Variants in SRCAP observed in about 807,000 individuals in gnomAD.
SRCAP encodes chromatin remodeling protein SRCAP.
A neutral mutation model predicts 263.1 loss-of-function variants in SRCAP; 46 were observed. That is an observed-to-expected ratio of 0.17 (90% CI 0.14 to 0.22). SRCAP has a LOEUF of 0.22. SRCAP is among the 10% of genes least tolerant of loss of function. The probability of loss-of-function intolerance (pLI) is 1.00; values close to 1 mark genes in which losing one functional copy is unlikely to be tolerated. For synonymous variants in SRCAP, 1,813 were observed against 1,662.1 expected, an observed-to-expected ratio of 1.09 and a Z score of -2.21; for missense variants, 3,695 against 4,181.9, an observed-to-expected ratio of 0.88 and a Z score of 3.21.
chr16:30,724,695 T>C lies in SRCAP; in HGVS notation c.5271T>C (p.Ala1757=). ...SLAPAPPLAP[A]SPVGPAPAHT... ...CTCCAGCACCCCCTCTGGCTCCAGC[T>C]TCTCCAGTGGGCCCAGCCCCAGCTC... The change falls in exon 25 of 34, where the codon GCT becomes GCC. Residue 1757 remains alanine (A), a synonymous_variant. Coordinates refer to ENST00000262518, the MANE Select transcript of SRCAP (RefSeq NM_006662.3). 6.2e-7 allele frequency: 1 copy of C among 1,614,018 alleles called. No homozygotes were observed. The highest frequency in any genetic ancestry group is 8.5e-7 in the Non-Finnish European group (1 of 1,180,006).
At chr16:30,711,798 G>A (rs767555518) in intron 11 of SRCAP, 37 bp from the exon 12 acceptor site, 2 of 1,611,202 alleles carry the variant, frequency 1.2e-6, no homozygotes, top group African/African-American at 2.7e-5. Context: ...TGGAAGAGCA[G>A]GTATGATGAG....
At chr16:30,702,671 A>C (rs972811499) in intron 3 of SRCAP, among the ~76,000 whole-genome samples, 20 of 143,514 alleles carry the variant, frequency 1.4e-4, no homozygotes, top group African/African-American at 5.0e-4. Flanking sequence ...GCAATGGCAC[A>C]ATCTTGGCTT....
Position 30,712,108 on chromosome 16 carries a change from C to T in SRCAP, c.1766C>T (p.Ala589Val). The T allele has an allele frequency of 6.2e-7, 1 of 1,614,162 alleles. No individual in the cohort carries two copies. Among genetic ancestry groups the T allele is most frequent in the South Asian group, 1.1e-5 (1 of 91,088 alleles). Residue 589 changes from alanine to valine, a missense_variant, in exon 12 of 34, where the codon GCA becomes GTA. This residue lies in a region of SRCAP where 121 missense variants were observed against 330.7 expected (regional missense o/e 0.37). Coordinates refer to ENST00000262518, the MANE Select transcript of SRCAP (RefSeq NM_006662.3). ...GPKKEITDIA[A>V]AAESLQPKGY... Reference sequence around the variant, plus strand: ...AAGAAAGAAATTACTGACATTGCTGCAGCAGCTGAAAGTCTCCAGCCCAAG... The same window carrying T: ...AAGAAAGAAATTACTGACATTGCTGTAGCAGCTGAAAGTCTCCAGCCCAAG...
intron 33 of SRCAP, 115 bp downstream of exon 33, chr16:30,736,739 C>T: frequency 9.0e-7 from 1 of 1,112,018 alleles, no homozygotes. Context: ...GTGGCACAAT[C>T]TCGGGTCACT....
Position 30,721,258 on chromosome 16 carries a change from C to T in SRCAP, c.3323C>T (p.Pro1108Leu). The stretch of plus-strand genomic sequence containing the variant: ...CCCACGCCAACCTTGTCCCTAAAGC[C>T]AACACCACCTGCCCCAGTTCGCCTG... Reference protein sequence around the residue: ...RPPTPTLSLKPTPPAPVRLSP... With the variant: ...RPPTPTLSLKLTPPAPVRLSP... Residue 1108 changes from proline to leucine, a missense_variant, in exon 21 of 34, where the codon CCA (proline) becomes CTA (leucine). Pro to Leu is a moderately conservative substitution (Grantham distance 98, BLOSUM62 -3). Coordinates refer to ENST00000262518, the MANE Select transcript of SRCAP (RefSeq NM_006662.3). 3 of 1,614,104 alleles carry T rather than the reference C, an allele frequency of 1.9e-6. No homozygotes were observed. Among genetic ancestry groups the T allele is most frequent in the Non-Finnish European group, 2.5e-6 (3 of 1,180,014 alleles).
At chr16:30,727,618 T>C (rs991254758) in intron 25 of SRCAP, among the ~76,000 whole-genome samples, 3 of 152,172 alleles carry the variant, frequency 2.0e-5, no homozygotes, top group African/African-American at 7.2e-5. Flanking sequence ...AGTGGTGCGA[T>C]CTCAGCTCAC....
chr16:30,700,250 T>C (rs190387479), intron 2 of SRCAP, among the ~76,000 whole-genome samples: 2 of 152,318 alleles, frequency 1.3e-5, no homozygotes, highest in Admixed American at 1.3e-4. Context: ...TCCTATCACT[T>C]TTTTACTGTG....
chr16:30,718,764 C>G (rs1432180619), intron 18 of SRCAP, among the ~76,000 whole-genome samples: 2 of 152,108 alleles, frequency 1.3e-5, no homozygotes, highest in African/African-American at 4.8e-5. Flanking sequence ...AGCCACTGCA[C>G]CTGGCCCCCA....
At chr16:30,701,952 C>CTT (rs1390062542) in intron 3 of SRCAP, among the ~76,000 whole-genome samples, 7 of 139,492 alleles carry the variant, frequency 5.0e-5, no homozygotes, top group South Asian at 4.6e-4. Context: ...TTCTTTCTTT[C>CTT]TTTTTTTTTT....
chr16:30,720,907 T>C lies in SRCAP; in HGVS notation c.3182T>C (p.Ile1061Thr), dbSNP rs146483870. Residue 1061 changes from isoleucine to threonine, a missense_variant, in exon 20 of 34, where the codon ATT (isoleucine) becomes ACT (threonine). By Grantham distance (89) the Ile-to-Thr change is moderately conservative (BLOSUM62 -1). Around this residue, in one of 12 missense-constraint regions of SRCAP, gnomAD observed 1,347 missense variants for 1,304.4 expected, o/e 1.03. Transcript: ENST00000262518. ...GCCTCACCTGCCGGGCCCCCGCTTA[T>C]TCCTGCATCTCGGCCTCCTGGCCCT... ...VSASPAGPPL[I>T]PASRPPGPVL... is the part of the protein sequence containing the mutation. The C allele has an allele frequency of 1.1e-5, 18 of 1,614,014 alleles. No homozygotes were observed. The highest frequency in any genetic ancestry group is 1.5e-5 in the Non-Finnish European group (18 of 1,180,010).
At chr16:30,709,186 G>A (rs1172429173) in intron 6 of SRCAP, among the ~76,000 whole-genome samples, 2 of 151,960 alleles carry the variant, frequency 1.3e-5, no homozygotes, top group South Asian at 2.1e-4. Context: ...TTCCACCTAC[G>A]TGGGAGGGTG....
chr16:30,723,779 C>G lies in SRCAP; in HGVS notation c.4355C>G (p.Ser1452Trp). Residue 1452 changes from serine to tryptophan, a missense_variant, in exon 25 of 34, where the codon TCG becomes TGG. Physicochemically the swap from Ser to Trp is radical, Grantham distance 177. Coordinates refer to ENST00000262518, the MANE Select transcript of SRCAP (RefSeq NM_006662.3). The part of the protein sequence containing the change: ...SVPTTLPAPA[S>W]APLTIPISAP... ...CCCACCACACTTCCTGCCCCAGCCT[C>G]GGCTCCACTCACCATCCCCATCTCA... The G allele has an allele frequency of 1.2e-6, 2 of 1,614,078 alleles. No individual in the cohort carries two copies. The highest frequency in any genetic ancestry group is 1.6e-4 in the Middle Eastern group (1 of 6,062).
At position 30,738,596 on chromosome 16, in the gene SRCAP, C is replaced by T; in HGVS notation, c.8556C>T (p.Thr2852=). ...GAGACGGAGCACTGCTCGCCATCAC[C>T]CCACCTGCTGTGAAACGTCGGAGGG... ...ENGDGALLAI[T]PPAVKRRRGR... Residue 2852 remains threonine (T), a synonymous_variant, in exon 34 of 34, where the codon ACC becomes ACT. Transcript: ENST00000262518. 4 of 1,604,638 alleles carry T rather than the reference C, an allele frequency of 2.5e-6. No individual in the cohort carries two copies. The highest frequency in any genetic ancestry group is 3.4e-6 in the Non-Finnish European group (4 of 1,174,920).
At position 30,724,504 on chromosome 16, in the gene SRCAP, T is replaced by C; in HGVS notation, c.5080T>C (p.Ser1694Pro). The change falls in exon 25 of 34, where the codon TCA (serine) becomes CCA (proline). Residue 1694 changes from serine to proline, a missense_variant. Coordinates refer to ENST00000262518, the MANE Select transcript of SRCAP (RefSeq NM_006662.3). ...APALAPTLGG[S>P]SPSQTLSLGT... ...AGCTTTAGCACCCACTCTTGGAGGC[T>C]CATCTCCATCTCAGACACTCTCTTT... The C allele has an allele frequency of 6.2e-7, 1 of 1,614,088 alleles. No homozygotes were observed. Among genetic ancestry groups the C allele is most frequent in the Non-Finnish European group, 8.5e-7 (1 of 1,179,998 alleles).
chr16:30,737,910 G>A lies in SRCAP; in HGVS notation c.7870G>A (p.Ala2624Thr), dbSNP rs139052774. Residue 2624 changes from alanine (A) to threonine (T), a missense_variant, in exon 34 of 34, where the codon GCA becomes ACA. By Grantham distance (58) the Ala-to-Thr change is moderately conservative (BLOSUM62 0). Coordinates refer to ENST00000262518, the MANE Select transcript of SRCAP (RefSeq NM_006662.3). ...GSIPNGQEQE[A>T]PDSAEGTTLT... ...CATCCCCAATGGTCAAGAGCAGGAG[G>A]CACCAGATTCTGCTGAGGGGACCAC... 22 of 1,614,204 alleles carry A rather than the reference G, an allele frequency of 1.4e-5. No individual in the cohort carries two copies. Among genetic ancestry groups the A allele is most frequent in the African/African-American group, 2.7e-5 (2 of 75,054 alleles).
chr16:30,709,428 T>C, intron 6 of SRCAP, 85 bp from the exon 7 acceptor site: 2 of 1,454,432 alleles, frequency 1.4e-6, no homozygotes, highest in Non-Finnish European at 1.9e-6. Context: ...AGGATCTGGT[T>C]AAAGAAGGTC....
Position 30,734,417 on chromosome 16 carries a change from A to G in SRCAP, c.6610-79A>G, listed in dbSNP as rs922281501. ...AACCAGTGGTACCCCTGACAGTTCC[A>G]AGAACCATCAGCCTTACAGCTTAGA... On this transcript the variant is annotated intron_variant, in intron 30 of 33. Transcript: ENST00000262518. 1.9e-6 allele frequency: 3 copies of G among 1,580,178 alleles called. No individual in the cohort carries two copies. In the Admixed American group the frequency reaches 5.5e-5, roughly 29 times the overall value.
At chr16:30,732,740 C>T (rs2053125241) in intron 27 of SRCAP, among the ~76,000 whole-genome samples, 1 of 152,192 alleles carries the variant, frequency 6.6e-6, no homozygotes, top group Admixed American at 6.5e-5. Context: ...GTTATGTATT[C>T]CCCTACTCTT....
intron 8 of SRCAP, among the ~76,000 whole-genome samples, chr16:30,710,336 C>T (rs1033753142): frequency 6.6e-6 from 1 of 152,156 alleles, no homozygotes; most frequent in Non-Finnish European, 1.5e-5. Context: ...AGTGGAAGAG[C>T]GTATTGCACT....
Sources: gnomAD v4.1 joint callset for allele counts (sites outside exome capture counted in the v4.1 genomes callset) on GRCh38, gnomAD v4.1.1 for gene constraint, gnomAD v4.1.1 regional missense constraint, MANE v1.5 for transcripts, NCBI Gene and HGNC (gene_info 2026-07-23, HGNC 2026-07-21) for gene names.